Variants in PRKN observed in about 807,000 individuals in gnomAD.
PRKN encodes the protein parkin RBR E3 ubiquitin protein ligase, also known as E3 ubiquitin-protein ligase parkin.
Under a neutral mutation model 59.5 loss-of-function variants are expected in PRKN, and 56 were observed. That is an observed-to-expected ratio of 0.94 (90% CI 0.76 to 1.18). PRKN has a LOEUF of 1.18. Among genes scored for constraint, PRKN ranks in the 50% most tolerant of loss-of-function variants. PRKN has a pLI of 0.00. For synonymous variants in PRKN, 250 were observed against 222.1 expected (o/e 1.13, Z -1.12); for missense variants, 657 against 596.4 (o/e 1.10, Z -1.06).
intron 6 of PRKN, among the ~76,000 whole-genome samples, chr6:161,832,357 C>T (rs1364773771): frequency 6.6e-6 from 1 of 152,002 alleles, no homozygotes; most frequent in Admixed American, 6.6e-5. Context: ...GGTGGGGTGG[C>T]TCTCACGCCT....
At chr6:162,612,221 A>C (rs2128219088) in intron 1 of PRKN, among the ~76,000 whole-genome samples, 1 of 148,648 alleles carries the variant, frequency 6.7e-6, no homozygotes. Context: ...AAAAGAAATG[A>C]TACAAATTAT....
At chr6:162,131,533 T>C (rs2128308172) in intron 4 of PRKN, among the ~76,000 whole-genome samples, 1 of 152,332 alleles carries the variant, frequency 6.6e-6, no homozygotes, top group East Asian at 1.9e-4. Context: ...ATGAAGCTAT[T>C]TGGATAACAG....
chr6:161,474,462 A>T (rs1411669003), intron 9 of PRKN, among the ~76,000 whole-genome samples: 1 of 152,200 alleles, frequency 6.6e-6, no homozygotes, highest in Non-Finnish European at 1.5e-5. Context: ...TGTTTCCTTC[A>T]GTTATAAACA....
At chr6:161,836,684 T>C (rs921073301) in intron 6 of PRKN, among the ~76,000 whole-genome samples, 1 of 152,108 alleles carries the variant, frequency 6.6e-6, no homozygotes, top group Non-Finnish European at 1.5e-5. Flanking sequence ...AAATGGAAGG[T>C]AGAAAACAGG....
At chr6:161,834,106 C>T (rs1792635832) in intron 6 of PRKN, among the ~76,000 whole-genome samples, 1 of 151,858 alleles carries the variant, frequency 6.6e-6, no homozygotes, top group Non-Finnish European at 1.5e-5. Context: ...TCAGGGTCTC[C>T]AGCACACAGT....
At chr6:161,411,205 T>C (rs999836068) in intron 9 of PRKN, among the ~76,000 whole-genome samples, 3 of 152,034 alleles carry the variant, frequency 2.0e-5, no homozygotes, top group African/African-American at 7.3e-5. Context: ...TCACATTGAA[T>C]TATAGTAATC....
chr6:161,764,516 T>G (rs1435017090), intron 7 of PRKN, among the ~76,000 whole-genome samples: 1 of 152,238 alleles, frequency 6.6e-6, no homozygotes, highest in Non-Finnish European at 1.5e-5. Context: ...TCTCAAAATG[T>G]GACCAGATGC....
At chr6:162,551,288 T>C (rs892010957) in intron 1 of PRKN, among the ~76,000 whole-genome samples, 1 of 152,150 alleles carries the variant, frequency 6.6e-6, no homozygotes, top group Non-Finnish European at 1.5e-5. Context: ...GTCTGAAAAC[T>C]ATACCCAATT....
At chr6:161,732,586 G>A (rs187461326) in intron 7 of PRKN, among the ~76,000 whole-genome samples, 12 of 151,868 alleles carry the variant, frequency 7.9e-5, no homozygotes, top group African/African-American at 2.4e-4. Flanking sequence ...CAGTGTACAC[G>A]ATGCAAAGAA....
chr6:161,984,242 G>A (rs1186517656), intron 5 of PRKN, among the ~76,000 whole-genome samples: 1 of 151,984 alleles, frequency 6.6e-6, no homozygotes. Context: ...TGTTTCCCCA[G>A]TTACTTATTA....
intron 7 of PRKN, chr6:161,716,019 G>T: frequency 1.1e-6 from 1 of 948,762 alleles, no homozygotes; most frequent in African/African-American, 1.8e-5. Context: ...AGCTCTTCTG[G>T]GGAATTGGAT....
chr6:162,346,447 T>C (rs1357549952), intron 2 of PRKN, among the ~76,000 whole-genome samples: 1 of 142,366 alleles, frequency 7.0e-6, no homozygotes, highest in African/African-American at 2.6e-5. Flanking sequence ...GAAAAATCTG[T>C]CTCTACAAAA....
At chr6:161,859,236 T>TTATA (rs1372811944) in intron 6 of PRKN, among the ~76,000 whole-genome samples, 1 of 151,950 alleles carries the variant, frequency 6.6e-6, no homozygotes, top group Non-Finnish European at 1.5e-5. Context: ...AAATCCTGGA[T>TTATA]TATATGAGAC....
intron 6 of PRKN, among the ~76,000 whole-genome samples, chr6:161,953,929 C>T (rs74632291): frequency 0.031 from 4,715 of 152,228 alleles, 247 homozygotes; most frequent in African/African-American, 0.11. Context: ...TGAGACCCTA[C>T]TGTAACTTAT....
intron 1 of PRKN, among the ~76,000 whole-genome samples, chr6:162,689,883 A>AAAAACC (rs1777706749): frequency 6.6e-6 from 1 of 152,220 alleles, no homozygotes; most frequent in Non-Finnish European, 1.5e-5. Context: ...AAAACAAACC[A>AAAAACC]AAAACCAAAA....
intron 7 of PRKN, among the ~76,000 whole-genome samples, chr6:161,594,233 T>A (rs1338741988): frequency 2.0e-5 from 3 of 152,122 alleles, no homozygotes; most frequent in Non-Finnish European, 4.4e-5. Flanking sequence ...AATTTAACAC[T>A]CTTCAAGATG....
intron 9 of PRKN, among the ~76,000 whole-genome samples, chr6:161,387,825 G>C (rs1047876511): frequency 2.6e-5 from 4 of 152,190 alleles, no homozygotes. Flanking sequence ...GGGAAGATGA[G>C]GTTGTTAGGG....
intron 9 of PRKN, among the ~76,000 whole-genome samples, chr6:161,507,086 G>A (rs768136008): frequency 1.1e-4 from 17 of 152,162 alleles, no homozygotes; most frequent in Non-Finnish European, 2.9e-5. Flanking sequence ...TAAGCCTCAC[G>A]TAAGGAAGAA....
chr6:162,689,580 T>A (rs1177048812), intron 1 of PRKN, among the ~76,000 whole-genome samples: 1 of 152,184 alleles, frequency 6.6e-6, no homozygotes, highest in Non-Finnish European at 1.5e-5. Context: ...GGCAGGAAAA[T>A]GATGTCTACT....
Sources: gnomAD v4.1 joint callset for allele counts (sites outside exome capture counted in the v4.1 genomes callset) on GRCh38, gnomAD v4.1.1 for gene constraint, MANE v1.5 for transcripts, NCBI Gene and HGNC (gene_info 2026-07-23, HGNC 2026-07-21) for gene names.